The following DMRTC2 variants were observed in gnomAD, a reference collection of about 807,000 sequenced individuals.
The protein encoded by DMRTC2 is DMRT like family C2, also known as doublesex- and mab-3-related transcription factor C2.
Under a neutral mutation model 39.9 loss-of-function variants are expected in DMRTC2, and 13 were observed. The observed-to-expected ratio is 0.33, with a 90% CI of 0.21 to 0.52. DMRTC2 has a LOEUF of 0.52. Ranked by LOEUF, DMRTC2 falls within the 20% of genes least tolerant of loss-of-function variation. The pLI is 0.96. For missense variants in DMRTC2, 431 were observed against 472.8 expected, an observed-to-expected ratio of 0.91 and a Z score of 0.82; for synonymous variants, 189 against 185.2, an observed-to-expected ratio of 1.02 and a Z score of -0.17.
At chr19:41,846,236 G>T (rs919226967) in intron 1 of DMRTC2, among the ~76,000 whole-genome samples, 7 of 152,186 alleles carry the variant, frequency 4.6e-5, no homozygotes, top group African/African-American at 1.7e-4. Context: ...GCATGAGAGT[G>T]GGGTGAGCAT....
At chr19:41,847,957 G>A (rs2073890937) in intron 3 of DMRTC2, 76 bp downstream of exon 3, 4 of 1,501,338 alleles carry the variant, frequency 2.7e-6, no homozygotes, top group Non-Finnish European at 8.9e-7. Flanking sequence ...GCCCAGTCCT[G>A]CTGCTGAATT....
At position 41,848,887 on chromosome 19, in the gene DMRTC2, C is replaced by A; in HGVS notation, c.540C>A (p.His180Gln). ...PVPPGPWVPGHWLPPGFSMPP... is the reference protein window; with the variant it reads ...PVPPGPWVPGQWLPPGFSMPP... ...CTCCTGGCCCTTGGGTCCCTGGACA[C>A]TGGCTGCCTCCAGGCTTCTCCATGC... Residue 180 changes from histidine to glutamine, a missense_variant, in exon 5 of 9, where the codon CAC (histidine) becomes CAA (glutamine). Coordinates refer to ENST00000269945, the MANE Select transcript of DMRTC2 (RefSeq NM_001040283.3). 1 of 1,613,448 alleles carries A rather than the reference C, an allele frequency of 6.2e-7. No homozygotes were observed. The highest frequency in any genetic ancestry group is 8.5e-7 in the Non-Finnish European group (1 of 1,180,040).
rs1555837493 is a variant in DMRTC2 at position 41,851,838 on chromosome 19, GTTTGTTTA to G, written c.*143_*150del. ...GGCTTTTTTGTTTGTTTGTTTGTTTGTTTGTTTAAGCTTTCAGGTGCTTCATTAGCTTT... is the reference window on the plus strand; with the variant it reads ...GGCTTTTTTGTTTGTTTGTTTGTTTGAGCTTTCAGGTGCTTCATTAGCTTT... On this transcript the variant is annotated 3_prime_UTR_variant, in exon 9 of 9. Coordinates refer to ENST00000269945, the MANE Select transcript of DMRTC2 (RefSeq NM_001040283.3). 41 of 730,746 alleles carry G rather than the reference GTTTGTTTA, an allele frequency of 5.6e-5. No homozygotes were observed. In the African/African-American group the frequency reaches 7.1e-4, roughly 13 times the overall value. The allele number at this position is 730,746 out of a possible 1,614,324, so 45.3% of individuals were successfully genotyped here.
chr19:41,850,255 G>C, intron 6 of DMRTC2, 57 bp from the exon 7 acceptor site: 1 of 1,312,388 alleles, frequency 7.6e-7, no homozygotes, highest in Non-Finnish European at 1.0e-6. Context: ...CTCTTTCAAT[G>C]TGTGCATGTC....
intron 8 of DMRTC2, chr19:41,850,993 T>A (rs1477092355): frequency 3.0e-6 from 1 of 336,604 alleles, no homozygotes; most frequent in Non-Finnish European, 5.4e-6. Context: ...AACCCAATGC[T>A]CTGTCTCTGG....
rs782195203 is a variant in DMRTC2, at chr19:41,851,564, C to G, written c.992-20C>G. The G allele has an allele frequency of 5.6e-6, 9 of 1,606,950 alleles. No homozygotes were observed. The highest frequency in any genetic ancestry group is 6.8e-6 in the Non-Finnish European group (8 of 1,173,724). ...AAAAACAGGTGTGACCTGATCCTGC[C>G]CCTTCCTTCTTGCCTGTAGCTCCTG... On this transcript the variant is annotated intron_variant, in intron 8 of 8. Transcript: ENST00000269945.
intron 1 of DMRTC2, among the ~76,000 whole-genome samples, chr19:41,846,012 T>TAA (rs11308214): frequency 5.6e-4 from 81 of 143,948 alleles, no homozygotes; most frequent in South Asian, 2.1e-3. Context: ...ACCCTGTCAA[T>TAA]AAAAAAAAAA....
chr19:41,849,819 C>A (rs2073928001), intron 6 of DMRTC2, among the ~76,000 whole-genome samples: 1 of 152,140 alleles, frequency 6.6e-6, no homozygotes, highest in African/African-American at 2.4e-5. Flanking sequence ...GTGGCTCACA[C>A]CTGTAATCCC....
rs781937831 is a variant in DMRTC2, at chr19:41,847,732, T to C, written c.225-4T>C. 1.1e-5 allele frequency: 17 copies of C among 1,613,960 alleles called. No individual in the cohort carries two copies. The South Asian group carries it at 1.6e-4, about 16-fold the overall frequency. ...ACCTTTGACTTGCAACTCCCCACTT[T>C]TAGGGAGCGCCGCAGGGTCATGGCT... On this transcript the variant is annotated splice_region_variant and splice_polypyrimidine_tract_variant and intron_variant, in intron 2 of 8. Transcript: ENST00000269945.
intron 6 of DMRTC2, among the ~76,000 whole-genome samples, chr19:41,850,093 A>T (rs1284584188): frequency 3.3e-5 from 5 of 151,896 alleles, no homozygotes; most frequent in African/African-American, 1.2e-4. Flanking sequence ...AAAAAAAAAG[A>T]CACTAGTGAT....
intron 3 of DMRTC2, among the ~76,000 whole-genome samples, chr19:41,848,215 G>A (rs1024553104): frequency 6.6e-6 from 1 of 152,086 alleles, no homozygotes; most frequent in African/African-American, 2.4e-5. Context: ...GCTTGGTGGC[G>A]CATGCCTGTA....
intron 7 of DMRTC2, 34 bp downstream of exon 7, chr19:41,850,406 G>T: frequency 6.4e-7 from 1 of 1,565,938 alleles, no homozygotes; most frequent in Non-Finnish European, 8.7e-7. Context: ...AGGGCCCTGG[G>T]AGGAGGTTGA....
rs782230629 is a variant in DMRTC2 at position 41,850,566 on chromosome 19, C to T, written c.857C>T (p.Ser286Leu). The change falls in exon 8 of 9, where the codon TCA becomes TTA. Residue 286 changes from serine (S) to leucine (L), a missense_variant. Ser to Leu is a moderately radical substitution (Grantham distance 145). Transcript: ENST00000269945. Reference sequence around the variant, plus strand: ...TGCCTGGCCCGGACATCTGGCCCCTCAGAGTGGCAGCTGCAGCAAGAGGCA... The same window carrying T: ...TGCCTGGCCCGGACATCTGGCCCCTTAGAGTGGCAGCTGCAGCAAGAGGCA... The part of the protein sequence containing the change: ...ASCLARTSGP[S>L]EWQLQQEAAE... 6.2e-7 allele frequency: 1 copy of T among 1,613,580 alleles called. No individual in the cohort carries two copies. Among genetic ancestry groups the T allele is most frequent in the South Asian group, 1.1e-5 (1 of 91,018 alleles).
chr19:41,849,186 C>T lies in DMRTC2; in HGVS notation c.685C>T (p.Pro229Ser). The T allele has an allele frequency of 1.2e-6, 2 of 1,614,188 alleles. No homozygotes were observed. The highest frequency in any genetic ancestry group is 1.7e-6 in the Non-Finnish European group (2 of 1,180,026). Residue 229 changes from proline (P) to serine (S), a missense_variant, in exon 6 of 9, where the codon CCA becomes TCA. Transcript: ENST00000269945. ...CACTCATGGGCCCTTCACCACCTGC[C>T]CAGGATCTCACCCAGTACTGACAGC... ...LPTHGPFTTC[P>S]GSHPVLTAPL...
rs1555837152 is a variant in DMRTC2, at chr19:41,850,543, C to T, written c.834C>T (p.Cys278=). 1 of 1,612,682 alleles carries T rather than the reference C, an allele frequency of 6.2e-7. No individual in the cohort carries two copies. The highest frequency in any genetic ancestry group is 8.5e-7 in the Non-Finnish European group (1 of 1,179,360). The part of the protein sequence containing the change: ...QLQPQASGAS[C]LARTSGPSEW... Reference sequence around the variant, plus strand: ...CCTTGCAGGCCTCTGGAGCCTCGTGCCTGGCCCGGACATCTGGCCCCTCAG... The same window carrying T: ...CCTTGCAGGCCTCTGGAGCCTCGTGTCTGGCCCGGACATCTGGCCCCTCAG... Residue 278 remains cysteine (C), a synonymous_variant, in exon 8 of 9, where the codon TGC becomes TGT. Transcript: ENST00000269945.
chr19:41,850,826 C>A, intron 8 of DMRTC2, 126 bp downstream of exon 8: 1 of 993,570 alleles, frequency 1.0e-6, no homozygotes, highest in Non-Finnish European at 1.4e-6. Context: ...GGACCCCAAG[C>A]TCCTCAGCCT....
chr19:41,848,040 G>C (rs1176866204), intron 3 of DMRTC2, among the ~76,000 whole-genome samples, 159 bp downstream of exon 3: 2 of 152,214 alleles, frequency 1.3e-5, no homozygotes, highest in Non-Finnish European at 2.9e-5. Flanking sequence ...AATGCAGCGA[G>C]TTCTGTGGGT....
intron 3 of DMRTC2, 69 bp downstream of exon 3, chr19:41,847,950 C>T: frequency 6.6e-7 from 1 of 1,511,152 alleles, no homozygotes; most frequent in South Asian, 1.3e-5. Context: ...AAAAGAGGCC[C>T]AGTCCTGCTG....
chr19:41,846,882 TAAAA>T (rs1169580769), intron 1 of DMRTC2, among the ~76,000 whole-genome samples: 2 of 148,964 alleles, frequency 1.3e-5, no homozygotes, highest in African/African-American at 4.9e-5. Context: ...ATTTTTAAAT[TAAAA>T]AAAGGGGGGA....
Sources: gnomAD v4.1 joint callset for allele counts (sites outside exome capture counted in the v4.1 genomes callset) on GRCh38, gnomAD v4.1.1 for gene constraint, MANE v1.5 for transcripts, NCBI Gene and HGNC (gene_info 2026-07-23, HGNC 2026-07-21) for gene names.